NR2E1: variants seen among roughly 807,000 people sequenced by gnomAD.
The protein encoded by NR2E1 is nuclear receptor TLX.
NR2E1 carries 5 observed loss-of-function variants against 43.6 expected under a neutral mutation model. That is an observed-to-expected ratio of 0.11 (90% CI 0.06 to 0.24). The LOEUF is 0.24. Ranked by LOEUF, NR2E1 falls within the 10% of genes least tolerant of loss-of-function variation. NR2E1 has a pLI of 1.00. For synonymous variants in NR2E1, 191 were observed against 195.5 expected (o/e 0.98, Z 0.19); for missense variants, 287 against 496.7 (o/e 0.58, Z 4.01).
At chr6:108,181,183 CTTTT>C (rs961642978) in intron 7 of NR2E1, among the ~76,000 whole-genome samples, 1 of 151,332 alleles carries the variant, frequency 6.6e-6, no homozygotes, top group Non-Finnish European at 1.5e-5. Flanking sequence ...TTTTTTCTTT[CTTTT>C]TTTTTATTTT....
Position 108,188,752 on chromosome 6 carries a change from T to C in NR2E1, c.*1289T>C, listed in dbSNP as rs1231561280. The C allele has an allele frequency of 6.6e-6, 1 of 152,156 alleles. No homozygotes were observed. The highest frequency in any genetic ancestry group is 2.4e-5 in the African/African-American group (1 of 41,434). 9.4% of individuals were successfully genotyped at this position (152,156 alleles called of 1,614,324 possible). On this transcript the variant is annotated 3_prime_UTR_variant, in exon 9 of 9. Transcript: ENST00000368986. ...AAAGTGAATTAACTGATTTGTGAAG[T>C]TAAAAGGTTGTACTCATTGTATTTA... is the stretch of plus-strand genomic sequence containing the variant.
At position 108,187,452 on chromosome 6, in the gene NR2E1, A is replaced by T. The variant is rs1774093386; in HGVS notation, c.1147A>T (p.Ser383Cys). The change falls in exon 9 of 9, where the codon AGT (serine) becomes TGT (cysteine). Residue 383 changes from serine to cysteine, a missense_variant. By Grantham distance (112) the Ser-to-Cys change is moderately radical. Coordinates refer to ENST00000368986, the MANE Select transcript of NR2E1 (RefSeq NM_003269.5). ...ACTGCTTTCAGATATGTACAAATCC[A>T]GTGATATCTAAGCTCACAAGATACC... is the stretch of plus-strand genomic sequence containing the variant. The part of the protein sequence containing the change: ...TRLLSDMYKS[S>C]DI 6.2e-7 allele frequency: 1 copy of T among 1,614,094 alleles called. No homozygotes were observed.
chr6:108,171,415 C>G, intron 1 of NR2E1, 43 bp from the exon 2 acceptor site: 2 of 1,610,954 alleles, frequency 1.2e-6, no homozygotes, highest in South Asian at 1.1e-5. Flanking sequence ...CCTCCTTTCC[C>G]TCTCGCCCCT....
At chr6:108,186,243 G>A (rs2114684282) in intron 8 of NR2E1, among the ~76,000 whole-genome samples, 1 of 152,314 alleles carries the variant, frequency 6.6e-6, no homozygotes. Flanking sequence ...GCTGGGCAGT[G>A]AAAGAGCCAG....
chr6:108,182,996 C>T lies in NR2E1; in HGVS notation c.995+1345C>T, dbSNP rs929063907. On this transcript the variant is annotated intron_variant, in intron 8 of 8. Coordinates refer to ENST00000368986, the MANE Select transcript of NR2E1 (RefSeq NM_003269.5). ...GATTACAGGCCTGGGCCACTGTGCC[C>T]AGCCTAAAGAAGCCATCTTTTCACC... Among the ~76,000 whole-genome samples the T allele has an allele frequency of 3.3e-4, 50 of 152,226 alleles. 1 individual carries two copies. The highest frequency in any genetic ancestry group is 3.3e-3 in the Admixed American group (50 of 15,280).
In NR2E1 at chr6:108,187,534, A is replaced by C; in HGVS notation, c.*71A>C. ...CTTCAACCCATGGAGAACAAGCCTC[A>C]ACTAACAAACCCTTCAGGAAGCATA... On this transcript the variant is annotated 3_prime_UTR_variant, in exon 9 of 9. Transcript: ENST00000368986. 1.8e-4 allele frequency: 266 copies of C among 1,510,908 alleles called. No homozygotes were observed. Among genetic ancestry groups the C allele is most frequent in the Non-Finnish European group, 2.2e-4 (240 of 1,089,292 alleles). 93.6% of individuals were successfully genotyped at this position (1,510,908 alleles called of 1,614,324 possible). A position where few individuals can be genotyped will look rare whatever the true frequency, so the allele number is the denominator to read the frequency against.
intron 5 of NR2E1, among the ~76,000 whole-genome samples, chr6:108,179,631 G>A (rs952143336): frequency 9.9e-5 from 15 of 151,632 alleles, no homozygotes; most frequent in African/African-American, 3.6e-4. Context: ...GAAATCCTTC[G>A]ACAACAAGCA....
Position 108,180,835 on chromosome 6 carries a change from G to C in NR2E1, c.768G>C (p.Gln256His), listed in dbSNP as rs777780884. 41 of 1,614,002 alleles carry C rather than the reference G, an allele frequency of 2.5e-5. No individual in the cohort carries two copies. The South Asian group carries it at 4.4e-4, about 17-fold the overall frequency. Reference sequence around the variant, plus strand: ...TGAACGGTGACAACACAGATTCCCAGAAGCTGAACAAGATCATATCTGAAA... The same window carrying C: ...TGAACGGTGACAACACAGATTCCCACAAGCTGAACAAGATCATATCTGAAA... Reference protein sequence around the residue: ...SGMNGDNTDSQKLNKIISEIQ... With the variant: ...SGMNGDNTDSHKLNKIISEIQ... The change falls in exon 7 of 9, where the codon CAG (glutamine) becomes CAC (histidine). Residue 256 changes from glutamine (Q) to histidine (H), a missense_variant. Coordinates refer to ENST00000368986, the MANE Select transcript of NR2E1 (RefSeq NM_003269.5). The surrounding 1 kb of genome is among the most constrained non-coding windows in gnomAD (Gnocchi z 5.4).
Position 108,169,831 on chromosome 6 carries a change from GC to G in NR2E1, c.26-1625del, listed in dbSNP as rs1317275013. On this transcript the variant is annotated intron_variant, in intron 1 of 8. Coordinates refer to ENST00000368986, the MANE Select transcript of NR2E1 (RefSeq NM_003269.5). This position sits in a 1 kb window ranked among gnomAD's most constrained non-coding sequence, Gnocchi z 6.1. Reference sequence around the variant, plus strand: ...GCCGCGCCGCGCGCCTCCCCTGCCCGCCTTTGTCGCCGTCCGAATTCCCATG... The same window carrying G: ...GCCGCGCCGCGCGCCTCCCCTGCCCGCTTTGTCGCCGTCCGAATTCCCATG... 1.3e-5 allele frequency among the ~76,000 whole-genome samples: 2 copies of G among 152,010 alleles called. No individual in the cohort carries two copies. The highest frequency in any genetic ancestry group is 2.9e-5 in the Non-Finnish European group (2 of 67,986).
At chr6:108,176,154 A>C in intron 3 of NR2E1, 1 of 300,654 alleles carries the variant, frequency 3.3e-6, no homozygotes, top group Admixed American at 4.7e-5. Context: ...ATACCTGGCT[A>C]CTCCAGCCCA....
chr6:108,188,755 A>G lies in NR2E1; in HGVS notation c.*1292A>G, dbSNP rs1171345964. The G allele has an allele frequency of 6.6e-6, 1 of 152,218 alleles. No homozygotes were observed. The highest frequency in any genetic ancestry group is 1.5e-5 in the Non-Finnish European group (1 of 68,046). 9.4% of individuals were successfully genotyped at this position (152,218 alleles called of 1,614,324 possible). On this transcript the variant is annotated 3_prime_UTR_variant, in exon 9 of 9. Coordinates refer to ENST00000368986, the MANE Select transcript of NR2E1 (RefSeq NM_003269.5). ...GTGAATTAACTGATTTGTGAAGTTA[A>G]AAGGTTGTACTCATTGTATTTACAA...
At chr6:108,181,030 C>T (rs1474274200) in intron 7 of NR2E1, 74 bp downstream of exon 7, 2 of 1,483,906 alleles carry the variant, frequency 1.3e-6, no homozygotes, top group East Asian at 4.5e-5. Flanking sequence ...ACCTCGAAGT[C>T]TGAACTGACC....
chr6:108,179,152 C>T (rs969225736), intron 5 of NR2E1: 1 of 152,118 alleles, frequency 6.6e-6, no homozygotes, highest in South Asian at 2.1e-4. Flanking sequence ...ACGGAAAGAT[C>T]GGGCAATGTG....
intron 4 of NR2E1, among the ~76,000 whole-genome samples, chr6:108,177,734 T>C (rs1773922985): frequency 6.6e-6 from 1 of 152,248 alleles, no homozygotes; most frequent in African/African-American, 2.4e-5. Flanking sequence ...TTTATACTTT[T>C]TCACATCTAT....
intron 2 of NR2E1, among the ~76,000 whole-genome samples, chr6:108,172,951 G>T (rs1773837072): frequency 6.6e-6 from 1 of 152,190 alleles, no homozygotes; most frequent in African/African-American, 2.4e-5. Flanking sequence ...GATTACTGCG[G>T]GTTGTCAGAT....
chr6:108,173,939 G>A (rs1398284792), intron 2 of NR2E1, among the ~76,000 whole-genome samples: 1 of 152,170 alleles, frequency 6.6e-6, no homozygotes, highest in East Asian at 1.9e-4. Context: ...ATGCATCTCA[G>A]ATAAATATTT....
At chr6:108,175,069 T>C (rs1773874382) in intron 3 of NR2E1, 146 bp downstream of exon 3, 3 of 761,106 alleles carry the variant, frequency 3.9e-6, no homozygotes, top group South Asian at 3.0e-5. Flanking sequence ...CTTTCAGTCG[T>C]ATCCTTCCCG....
intron 8 of NR2E1, among the ~76,000 whole-genome samples, chr6:108,182,234 T>A (rs1356767784): frequency 1.7e-5 from 2 of 117,046 alleles, no homozygotes; most frequent in Non-Finnish European, 3.2e-5. Flanking sequence ...AGAGCGAGAC[T>A]CCGTCTCAAA....
intron 8 of NR2E1, among the ~76,000 whole-genome samples, chr6:108,182,979 G>C (rs1774017401): frequency 6.6e-6 from 1 of 152,214 alleles, no homozygotes; most frequent in South Asian, 2.1e-4. Context: ...GGGATTACAG[G>C]CCTGGGCCAC....
Sources: allele counts gnomAD v4.1 joint callset (sites outside exome capture counted in the v4.1 genomes callset), GRCh38; gene constraint gnomAD v4.1.1; non-coding constraint Gnocchi (gnomAD v3.1); transcripts MANE v1.5; gene names NCBI Gene and HGNC (gene_info 2026-07-23, HGNC 2026-07-21).